ARHGEF9: variants seen among roughly 807,000 people sequenced by gnomAD.
The protein encoded by ARHGEF9 is Cdc42 guanine nucleotide exchange factor 9.
ARHGEF9 carries 2 observed loss-of-function variants against 41.3 expected under a neutral mutation model. The observed-to-expected ratio is 0.05, with a 90% CI of 0.02 to 0.15. ARHGEF9 has a LOEUF of 0.15. ARHGEF9 is among the 10% of genes least tolerant of loss of function. The pLI, the probability that ARHGEF9 is intolerant of heterozygous loss-of-function variation, is 1.00. For synonymous variants in ARHGEF9, 160 were observed against 154.4 expected (o/e 1.04, Z -0.27); for missense variants, 225 against 424.7 (o/e 0.53, Z 4.13).
At chrX:63,689,331 A>G (rs192021892) in intron 4 of ARHGEF9, among the ~76,000 whole-genome samples, 2 of 111,993 alleles carry the variant, frequency 1.8e-5, no homozygotes, top group Admixed American at 1.9e-4. Flanking sequence ...GAAACCACAA[A>G]AGAGCAGCAG....
At chrX:63,644,417 A>T (rs1282086705) in intron 8 of ARHGEF9, among the ~76,000 whole-genome samples, 1 of 111,650 alleles carries the variant, frequency 9.0e-6, no homozygotes, top group Admixed American at 9.6e-5. Context: ...GGCAAAAGAT[A>T]ATTCAAACAG....
intron 1 of ARHGEF9, among the ~76,000 whole-genome samples, chrX:63,745,394 G>T (rs1174205966): frequency 9.0e-6 from 1 of 110,740 alleles, no homozygotes; most frequent in Non-Finnish European, 1.9e-5. Flanking sequence ...GAACTCCAAG[G>T]ACTACTAACA....
intron 2 of ARHGEF9, among the ~76,000 whole-genome samples, chrX:63,719,173 G>A (rs1208247074): frequency 9.0e-6 from 1 of 111,660 alleles, no homozygotes; most frequent in Non-Finnish European, 1.9e-5. Context: ...GTTAATGTCA[G>A]CCTAAACTCA....
chrX:63,731,309 A>G lies in ARHGEF9; in HGVS notation c.31-6598T>C, dbSNP rs187938863. Among the ~76,000 whole-genome samples, 134 of 111,841 alleles carry G rather than the reference A, an allele frequency of 1.2e-3. 1 individual carries two copies. The highest frequency in any genetic ancestry group is 4.1e-3 in the African/African-American group (127 of 30,762). ...TTAAGCATATCTAAAACAAGCTGAG[A>G]TTTTATGCTCTCTCCTGAAAAAGCT... is the stretch of plus-strand genomic sequence containing the variant. On this transcript the variant is annotated intron_variant, in intron 1 of 9. Transcript: ENST00000671741.
intron 2 of ARHGEF9, among the ~76,000 whole-genome samples, chrX:63,720,463 C>A (rs1251826271): frequency 1.2e-4 from 13 of 111,914 alleles, no homozygotes; most frequent in Non-Finnish European, 2.3e-4. Context: ...ATTGAAAATG[C>A]CAAGTTTTCA....
chrX:63,735,776 G>T (rs1556422424), intron 1 of ARHGEF9, among the ~76,000 whole-genome samples: 1 of 111,879 alleles, frequency 8.9e-6, no homozygotes, highest in Non-Finnish European at 1.9e-5. Context: ...CTAGACCTTG[G>T]CATACGTTTC....
intron 1 of ARHGEF9, among the ~76,000 whole-genome samples, chrX:63,736,137 A>G (rs2054605826): frequency 8.9e-6 from 1 of 111,805 alleles, no homozygotes; most frequent in South Asian, 3.8e-4. Context: ...GAAACCAAAG[A>G]CTTAGCCAGA....
At chrX:63,768,120 T>C (rs1246243852) in intron 1 of ARHGEF9, among the ~76,000 whole-genome samples, 3 of 111,924 alleles carry the variant, frequency 2.7e-5, no homozygotes, top group African/African-American at 9.8e-5. Flanking sequence ...TAGTTTTTTA[T>C]TTTTTGTCCT....
At chrX:63,646,608 T>A (rs185895407) in intron 8 of ARHGEF9, among the ~76,000 whole-genome samples, 111 of 112,174 alleles carry the variant, frequency 9.9e-4, no homozygotes, top group African/African-American at 3.4e-3. Context: ...TTGGTACCAC[T>A]ATCATGCTGT....
chrX:63,674,914 G>A (rs1306031470), intron 5 of ARHGEF9, among the ~76,000 whole-genome samples: 1 of 111,768 alleles, frequency 8.9e-6, no homozygotes, highest in Non-Finnish European at 1.9e-5. Flanking sequence ...TGAAGTGGCA[G>A]TGTTTGTCCA....
chrX:63,676,098 G>A (rs1355040353), intron 5 of ARHGEF9, among the ~76,000 whole-genome samples: 2 of 112,071 alleles, frequency 1.8e-5, no homozygotes, highest in Non-Finnish European at 3.8e-5. Flanking sequence ...AGAGGAAAGG[G>A]ACTTCTAATT....
chrX:63,778,688 A>C (rs2056333553), intron 1 of ARHGEF9, among the ~76,000 whole-genome samples: 1 of 112,498 alleles, frequency 8.9e-6, no homozygotes, highest in South Asian at 3.7e-4. Flanking sequence ...CATCTCTTGA[A>C]TGCTTTGCTG....
At chrX:63,690,675 C>T (rs782346804) in intron 4 of ARHGEF9, among the ~76,000 whole-genome samples, 1 of 111,378 alleles carries the variant, frequency 9.0e-6, no homozygotes, top group East Asian at 2.8e-4. Context: ...GACAAAAACA[C>T]ATCAAAAAAA....
chrX:63,731,432 G>C (rs1452482244), intron 1 of ARHGEF9, among the ~76,000 whole-genome samples: 3 of 110,525 alleles, frequency 2.7e-5, no homozygotes, highest in Non-Finnish European at 5.7e-5. Flanking sequence ...TGTGAACCAG[G>C]CTGCCCCAAC....
At chrX:63,726,343 CATTTTT>C (rs2053963716) in intron 1 of ARHGEF9, among the ~76,000 whole-genome samples, 1 of 111,959 alleles carries the variant, frequency 8.9e-6, no homozygotes, top group Non-Finnish European at 1.9e-5. Context: ...TTCATTCATT[CATTTTT>C]ATTTTTTGGG....
intron 2 of ARHGEF9, chrX:63,719,526 A>C (rs1275969229): frequency 1.0e-5 from 3 of 287,004 alleles, no homozygotes; most frequent in Non-Finnish European, 1.8e-5. Flanking sequence ...AACAACCTTA[A>C]ACTGGCAATG....
Position 63,636,191 on chromosome X carries a change from T to C in ARHGEF9, c.*1837A>G, listed in dbSNP as rs1266474538. ...GCCTCCACACAGCTATGGCTGCTGC[T>C]TGGTAAGCTGAAGTCCTGTCATGAT... On this transcript the variant is annotated 3_prime_UTR_variant, in exon 10 of 10. Transcript: ENST00000671741. The C allele has an allele frequency of 8.9e-6, 1 of 112,046 alleles. No homozygotes were observed. The allele number at this position is 112,046 out of a possible 1,213,427, so 9.2% of individuals were successfully genotyped here.
chrX:63,646,326 C>A (rs1357902167), intron 8 of ARHGEF9, among the ~76,000 whole-genome samples: 1 of 111,912 alleles, frequency 8.9e-6, no homozygotes, highest in Non-Finnish European at 1.9e-5. Flanking sequence ...CCGAATGATA[C>A]TGCCTAGGTT....
intron 1 of ARHGEF9, among the ~76,000 whole-genome samples, chrX:63,730,575 C>T (rs2054222748): frequency 1.8e-5 from 2 of 111,948 alleles, no homozygotes; most frequent in East Asian, 5.6e-4. Flanking sequence ...TTAGGTAGGT[C>T]TGAAGTGCAG....
Sources: allele counts gnomAD v4.1 joint callset (sites outside exome capture counted in the v4.1 genomes callset), GRCh38; gene constraint gnomAD v4.1.1; transcripts MANE v1.5; gene names NCBI Gene and HGNC (gene_info 2026-07-23, HGNC 2026-07-21).